Variants in NRXN3 observed in about 807,000 individuals in gnomAD.
NRXN3 encodes neurexin III.
In NRXN3, 32 loss-of-function variants were observed where a neutral mutation model predicts 137.6. The observed-to-expected ratio is 0.23, with a 90% confidence interval of 0.18 to 0.31. The LOEUF (loss-of-function observed/expected upper bound fraction) is 0.31, where lower values mean the gene tolerates loss of function less well. Ranked by LOEUF, NRXN3 falls within the 10% of genes least tolerant of loss-of-function variation. NRXN3 has a pLI of 1.00. For synonymous variants in NRXN3, 798 were observed against 784.5 expected, an observed-to-expected ratio of 1.02 and a Z score of -0.29; for missense variants, 1,574 against 2,062.5, an observed-to-expected ratio of 0.76 and a Z score of 4.59.
At position 79,818,214 on chromosome 14, in the gene NRXN3, T is replaced by C. The variant is rs183495483; in HGVS notation, c.4093+13024T>C. Among the ~76,000 whole-genome samples, 370 of 152,094 alleles carry C rather than the reference T, an allele frequency of 2.4e-3. 11 individuals carry two copies. The East Asian group carries it at 0.044, about 18-fold the overall frequency. On this transcript the variant is annotated intron_variant, in intron 20 of 20. Coordinates refer to ENST00000335750, the MANE Select transcript of NRXN3 (RefSeq NM_001330195.2). ...GACTACAGGTGCCCGCCACCACGCC[T>C]GGCTAATTTTTTGTGTTTTTAGTAG...
chr14:79,636,933 C>A (rs761044212), intron 16 of NRXN3, among the ~76,000 whole-genome samples: 1 of 152,192 alleles, frequency 6.6e-6, no homozygotes, highest in African/African-American at 2.4e-5. Flanking sequence ...CTTGACTAAG[C>A]TACTTATTGG....
intron 4 of NRXN3, among the ~76,000 whole-genome samples, chr14:78,304,365 T>C (rs17107289): frequency 0.049 from 7,526 of 152,280 alleles, 576 homozygotes; most frequent in African/African-American, 0.17. Context: ...AATGATGAAG[T>C]AGTAAATCCA....
intron 15 of NRXN3, among the ~76,000 whole-genome samples, chr14:79,412,793 A>AAG (rs1567055144): frequency 6.6e-6 from 1 of 150,554 alleles, no homozygotes; most frequent in African/African-American, 2.4e-5. Context: ...AAAAAAAAAA[A>AAG]AAAAAAAAAA....
At chr14:79,068,629 G>A (rs1368233714) in intron 15 of NRXN3, among the ~76,000 whole-genome samples, 1 of 151,972 alleles carries the variant, frequency 6.6e-6, no homozygotes, top group Non-Finnish European at 1.5e-5. Flanking sequence ...ATTTCCTGGG[G>A]ATACCAGATG....
intron 4 of NRXN3, among the ~76,000 whole-genome samples, chr14:78,584,391 T>C (rs2097038338): frequency 6.6e-6 from 1 of 152,214 alleles, no homozygotes. Context: ...TCCCAAAGGC[T>C]GAACGTCATT....
intron 15 of NRXN3, among the ~76,000 whole-genome samples, chr14:79,432,409 C>T (rs919868449): frequency 6.6e-6 from 1 of 152,164 alleles, no homozygotes; most frequent in Non-Finnish European, 1.5e-5. Context: ...TGTTCTCCTA[C>T]CTCTAAACAG....
At chr14:79,520,684 T>A (rs1445604503) in intron 16 of NRXN3, among the ~76,000 whole-genome samples, 1 of 152,162 alleles carries the variant, frequency 6.6e-6, no homozygotes, top group African/African-American at 2.4e-5. Flanking sequence ...TTATCACTGG[T>A]CATTAGAGAA....
At chr14:79,774,914 A>G (rs1400921979) in intron 19 of NRXN3, among the ~76,000 whole-genome samples, 2 of 152,022 alleles carry the variant, frequency 1.3e-5, no homozygotes, top group Admixed American at 6.6e-5. Flanking sequence ...AGGGACAGGA[A>G]GTGGATTAAG....
intron 19 of NRXN3, among the ~76,000 whole-genome samples, chr14:79,698,258 G>C (rs2098742352): frequency 6.6e-6 from 1 of 151,992 alleles, no homozygotes; most frequent in Admixed American, 6.6e-5. Flanking sequence ...TCAAATAACA[G>C]AAAGGGCAAG....
At chr14:78,552,255 G>A (rs2096699066) in intron 4 of NRXN3, among the ~76,000 whole-genome samples, 1 of 152,190 alleles carries the variant, frequency 6.6e-6, no homozygotes, top group Non-Finnish European at 1.5e-5. Context: ...CAGCAGATTG[G>A]CTGGCACATA....
At chr14:79,720,333 G>T (rs2098840226) in intron 19 of NRXN3, among the ~76,000 whole-genome samples, 1 of 152,004 alleles carries the variant, frequency 6.6e-6, no homozygotes, top group Admixed American at 6.6e-5. Context: ...CTTGATGCAT[G>T]GGGATTATTA....
At chr14:78,236,355 T>G (rs536214033) in intron 1 of NRXN3, among the ~76,000 whole-genome samples, 55 of 152,236 alleles carry the variant, frequency 3.6e-4, no homozygotes, top group Non-Finnish European at 6.8e-4. Flanking sequence ...GTATGTGTCT[T>G]ACTTTGCTCA....
At chr14:78,765,225 C>T (rs1384054630) in intron 8 of NRXN3, among the ~76,000 whole-genome samples, 1 of 152,156 alleles carries the variant, frequency 6.6e-6, no homozygotes, top group Non-Finnish European at 1.5e-5. Flanking sequence ...GCAATCTTGG[C>T]TCACTGCAAC....
intron 16 of NRXN3, among the ~76,000 whole-genome samples, chr14:79,615,069 T>C (rs2153884056): frequency 6.6e-6 from 1 of 152,108 alleles, no homozygotes; most frequent in East Asian, 1.9e-4. Context: ...TGACAACGGA[T>C]CTCCAGGGCT....
chr14:79,470,852 C>T (rs544549477), intron 16 of NRXN3, among the ~76,000 whole-genome samples: 2 of 143,152 alleles, frequency 1.4e-5, no homozygotes, highest in South Asian at 2.2e-4. Flanking sequence ...AATTAGCCAG[C>T]GGTGTATATG....
intron 4 of NRXN3, among the ~76,000 whole-genome samples, chr14:78,558,063 G>A (rs537772174): frequency 6.6e-6 from 1 of 152,318 alleles, no homozygotes; most frequent in East Asian, 1.9e-4. Flanking sequence ...CTAGTAAGTG[G>A]TAGAGCAGCA....
At chr14:79,458,001 A>C (rs2096279219) in intron 15 of NRXN3, among the ~76,000 whole-genome samples, 1 of 152,082 alleles carries the variant, frequency 6.6e-6, no homozygotes, top group Non-Finnish European at 1.5e-5. Flanking sequence ...TTTTTCCTTT[A>C]TTCATTTATA....
chr14:79,249,991 T>G (rs1361030466), intron 15 of NRXN3, among the ~76,000 whole-genome samples: 3 of 152,220 alleles, frequency 2.0e-5, no homozygotes, highest in Non-Finnish European at 4.4e-5. Context: ...ATGGTGCTTA[T>G]GCACTAATAA....
At chr14:78,702,807 G>A (rs1461679399) in intron 6 of NRXN3, among the ~76,000 whole-genome samples, 1 of 152,122 alleles carries the variant, frequency 6.6e-6, no homozygotes, top group Non-Finnish European at 1.5e-5. Flanking sequence ...GCTTTTCTCA[G>A]TAAATAACAA....
Sources: allele counts gnomAD v4.1 joint callset (sites outside exome capture counted in the v4.1 genomes callset), GRCh38; gene constraint gnomAD v4.1.1; transcripts MANE v1.5; gene names NCBI Gene and HGNC (gene_info 2026-07-23, HGNC 2026-07-21).